The following ARHGAP6 variants were observed in gnomAD, a reference collection of about 807,000 sequenced individuals.
The protein encoded by ARHGAP6 is rho GTPase-activating protein 6.
A neutral mutation model predicts 55.7 loss-of-function variants in ARHGAP6; 16 were observed. That is an observed-to-expected ratio of 0.29 (90% CI 0.19 to 0.44). The LOEUF (loss-of-function observed/expected upper bound fraction) is 0.44. ARHGAP6 is among the 20% of genes least tolerant of loss of function. ARHGAP6 has a pLI of 1.00. For synonymous variants in ARHGAP6, 382 were observed against 360.9 expected (o/e 1.06, Z -0.66); for missense variants, 698 against 808.9 (o/e 0.86, Z 1.66).
chrX:11,155,667 T>C (rs1310710424), intron 10 of ARHGAP6, among the ~76,000 whole-genome samples: 1 of 112,042 alleles, frequency 8.9e-6, no homozygotes, highest in Non-Finnish European at 1.9e-5. Flanking sequence ...TATCTTAGAA[T>C]TGCTGAAATT....
intron 2 of ARHGAP6, among the ~76,000 whole-genome samples, chrX:11,244,905 T>C (rs1315848431): frequency 1.8e-5 from 2 of 111,910 alleles, no homozygotes; most frequent in Non-Finnish European, 3.8e-5. Flanking sequence ...AGGAAGTAAT[T>C]TGTGAATACC....
intron 1 of ARHGAP6, among the ~76,000 whole-genome samples, chrX:11,275,989 C>T (rs972934090): frequency 9.0e-6 from 1 of 111,699 alleles, no homozygotes. Context: ...ATAAGGAACA[C>T]CAAAACATGA....
chrX:11,319,193 T>C (rs2048398515), intron 1 of ARHGAP6, among the ~76,000 whole-genome samples: 1 of 112,412 alleles, frequency 8.9e-6, no homozygotes, highest in Admixed American at 9.4e-5. Flanking sequence ...AATATCTGTA[T>C]TTATATCTGT....
chrX:11,619,612 C>T (rs941934857), intron 1 of ARHGAP6, among the ~76,000 whole-genome samples: 3 of 111,542 alleles, frequency 2.7e-5, no homozygotes, highest in Non-Finnish European at 3.8e-5. Flanking sequence ...TGGATTACTG[C>T]CCTCTAACAA....
At chrX:11,209,453 G>GAAAC (rs781658344) in intron 2 of ARHGAP6, among the ~76,000 whole-genome samples, 8 of 112,247 alleles carry the variant, frequency 7.1e-5, no homozygotes, top group Non-Finnish European at 1.5e-4. Context: ...CCACTTACAT[G>GAAAC]AAACATCTGA....
At chrX:11,536,172 C>T (rs1006012721) in intron 1 of ARHGAP6, among the ~76,000 whole-genome samples, 10 of 111,595 alleles carry the variant, frequency 9.0e-5, no homozygotes, top group African/African-American at 3.3e-4. Context: ...GTCCTCTCAG[C>T]ACTCGCTGCT....
intron 2 of ARHGAP6, among the ~76,000 whole-genome samples, chrX:11,218,994 G>A (rs1024048359): frequency 4.3e-4 from 45 of 104,828 alleles, no homozygotes; most frequent in South Asian, 9.1e-4. Flanking sequence ...CCACTAACTC[G>A]TCGTCTAGCA....
chrX:11,163,577 T>C (rs752154148), intron 9 of ARHGAP6, among the ~76,000 whole-genome samples: 1 of 112,590 alleles, frequency 8.9e-6, no homozygotes, highest in African/African-American at 3.2e-5. Flanking sequence ...GAAATCATGA[T>C]GGCATTTTGT....
At chrX:11,286,054 T>C (rs749369313) in intron 1 of ARHGAP6, among the ~76,000 whole-genome samples, 1 of 112,242 alleles carries the variant, frequency 8.9e-6, no homozygotes, top group African/African-American at 3.2e-5. Flanking sequence ...TAATTCTTAC[T>C]GTTGTAACAT....
At chrX:11,310,403 T>C (rs896123255) in intron 1 of ARHGAP6, among the ~76,000 whole-genome samples, 1 of 110,961 alleles carries the variant, frequency 9.0e-6, no homozygotes, top group African/African-American at 3.3e-5. Context: ...CCTAACAGCA[T>C]TATTCTTAAT....
intron 1 of ARHGAP6, among the ~76,000 whole-genome samples, chrX:11,327,887 TTTGA>T (rs1010402394): frequency 8.9e-6 from 1 of 111,929 alleles, no homozygotes; most frequent in Non-Finnish European, 1.9e-5. Context: ...ATCCCAAGTC[TTTGA>T]TTATTCTACA....
At chrX:11,603,101 C>T (rs1338872694) in intron 1 of ARHGAP6, among the ~76,000 whole-genome samples, 2 of 112,083 alleles carry the variant, frequency 1.8e-5, no homozygotes, top group Non-Finnish European at 3.8e-5. Context: ...ACATGACCTT[C>T]GCTCTGAAAA....
chrX:11,289,261 T>TC (rs760347332), intron 1 of ARHGAP6, among the ~76,000 whole-genome samples: 28 of 111,421 alleles, frequency 2.5e-4, no homozygotes, highest in African/African-American at 9.1e-4. Context: ...GAACCTTTTT[T>TC]CCCCCTAAGA....
chrX:11,371,402 A>G (rs1209060420), intron 1 of ARHGAP6, among the ~76,000 whole-genome samples: 15 of 112,267 alleles, frequency 1.3e-4, no homozygotes, highest in African/African-American at 4.5e-4. Flanking sequence ...CTGAGATCTT[A>G]TGGTCAGAAA....
intron 1 of ARHGAP6, among the ~76,000 whole-genome samples, chrX:11,479,954 G>A (rs1002970205): frequency 9.0e-6 from 1 of 111,645 alleles, no homozygotes; most frequent in Admixed American, 9.5e-5. Context: ...CATGCTTAGG[G>A]TGGGAGCAGG....
At chrX:11,428,031 C>A (rs958119467) in intron 1 of ARHGAP6, among the ~76,000 whole-genome samples, 1 of 112,551 alleles carries the variant, frequency 8.9e-6, no homozygotes, top group African/African-American at 3.2e-5. Flanking sequence ...CCCCACCCTC[C>A]CCGGACCCGT....
chrX:11,487,054 G>T (rs1184601437), intron 1 of ARHGAP6, among the ~76,000 whole-genome samples: 2 of 111,877 alleles, frequency 1.8e-5, no homozygotes, highest in Admixed American at 9.4e-5. Context: ...TAGAGAAGTA[G>T]AAAAGGAAAA....
chrX:11,584,465 A>C (rs895464865), intron 1 of ARHGAP6, among the ~76,000 whole-genome samples: 2 of 111,509 alleles, frequency 1.8e-5, no homozygotes, highest in African/African-American at 6.5e-5. Context: ...TGATGTGGCC[A>C]GCTTCAGAGC....
chrX:11,491,369 C>A (rs2050565446), intron 1 of ARHGAP6, among the ~76,000 whole-genome samples: 1 of 109,853 alleles, frequency 9.1e-6, no homozygotes, highest in South Asian at 4.0e-4. Context: ...CCCACTCCCC[C>A]CACCCCACAA....
Sources: allele counts gnomAD v4.1 joint callset (sites outside exome capture counted in the v4.1 genomes callset), GRCh38; gene constraint gnomAD v4.1.1; transcripts MANE v1.5; gene names NCBI Gene and HGNC (gene_info 2026-07-23, HGNC 2026-07-21).